Variants in GPC5 observed in about 807,000 individuals in gnomAD.
GPC5 encodes glypican-5.
A neutral mutation model predicts 53.9 loss-of-function variants in GPC5; 47 were observed. That is an observed-to-expected ratio of 0.87 (90% CI 0.69 to 1.11). The LOEUF is 1.11. GPC5 is among the 50% of genes most tolerant of loss of function. The probability of loss-of-function intolerance (pLI) is 0.00; values close to 1 mark genes in which losing one functional copy is unlikely to be tolerated. For missense variants in GPC5, 748 were observed against 713.1 expected (o/e 1.05, Z -0.56); for synonymous variants, 286 against 263.3 (o/e 1.09, Z -0.84).
At chr13:92,384,556 A>C (rs2043776632) in intron 7 of GPC5, among the ~76,000 whole-genome samples, 1 of 152,150 alleles carries the variant, frequency 6.6e-6, no homozygotes, top group African/African-American at 2.4e-5. Context: ...CAGTGGTACA[A>C]AGGCAATGTG....
chr13:91,766,490 A>G (rs1020816400), intron 5 of GPC5, among the ~76,000 whole-genome samples: 9 of 152,236 alleles, frequency 5.9e-5, no homozygotes, highest in Non-Finnish European at 2.9e-5. Flanking sequence ...AAGGTTGTCA[A>G]TAAAGATTAA....
At chr13:92,283,497 G>C (rs550889347) in intron 7 of GPC5, among the ~76,000 whole-genome samples, 2 of 152,150 alleles carry the variant, frequency 1.3e-5, no homozygotes, top group Non-Finnish European at 2.9e-5. Flanking sequence ...TGGAAGTAAA[G>C]CACTCCTCAG....
chr13:91,690,758 A>G (rs2035740389), intron 2 of GPC5, among the ~76,000 whole-genome samples: 1 of 152,208 alleles, frequency 6.6e-6, no homozygotes, highest in East Asian at 1.9e-4. Flanking sequence ...GAACATCAGT[A>G]TTGCCTGATT....
At chr13:91,499,567 C>T (rs565202884) in intron 2 of GPC5, among the ~76,000 whole-genome samples, 2 of 152,256 alleles carry the variant, frequency 1.3e-5, no homozygotes, top group Non-Finnish European at 1.5e-5. Context: ...TTTTTGCATA[C>T]GGTTCACAAT....
At chr13:91,620,867 A>G (rs2033835493) in intron 2 of GPC5, among the ~76,000 whole-genome samples, 1 of 152,126 alleles carries the variant, frequency 6.6e-6, no homozygotes, top group South Asian at 2.1e-4. Flanking sequence ...CTTTTGCTAT[A>G]TTAGATCCTA....
intron 3 of GPC5, among the ~76,000 whole-genome samples, chr13:91,716,381 G>A (rs74426200): frequency 0.014 from 2,173 of 152,240 alleles, 56 homozygotes; most frequent in African/African-American, 0.049. Context: ...TCACAGTAAC[G>A]TGAGAGACTA....
At chr13:91,959,947 T>C (rs779121060) in intron 6 of GPC5, among the ~76,000 whole-genome samples, 2 of 151,986 alleles carry the variant, frequency 1.3e-5, no homozygotes, top group African/African-American at 4.8e-5. Context: ...AGGAATATAC[T>C]TCAACATTAT....
rs1251969435 is a variant in GPC5 at position 92,527,241 on chromosome 13, GAA to G, written c.1562-339039_1562-339038del. Among the ~76,000 whole-genome samples the G allele has an allele frequency of 7.5e-3, 274 of 36,438 alleles. 8 individuals are homozygous for G. Among genetic ancestry groups the G allele is most frequent in the African/African-American group, 0.017 (128 of 7,434 alleles). 23.9% of individuals were successfully genotyped at this position (36,438 alleles called of 152,430 possible). A position where few individuals can be genotyped will look rare whatever the true frequency, so the allele number is the denominator to read the frequency against. On this transcript the variant is annotated intron_variant, in intron 7 of 7. Transcript: ENST00000377067. ...AGAAAGAAAGAAAGAAAGAAAGAAA[GAA>G]AGAAAGAGAAAGAAAGAAAGAAAGA...
intron 1 of GPC5, among the ~76,000 whole-genome samples, chr13:91,410,952 T>C (rs1022247648): frequency 6.6e-6 from 1 of 151,778 alleles, no homozygotes; most frequent in Non-Finnish European, 1.5e-5. Flanking sequence ...CTACCAAAAA[T>C]ACAAAAATTA....
rs578106707 is a variant in GPC5, at chr13:91,963,869, C to T, written c.1401+55812C>T. On this transcript the variant is annotated intron_variant, in intron 6 of 7. Transcript: ENST00000377067. ...AGCATCAATCATAGAACACTTTCTTCGTACAAGATGTGATGATAAACAAGT... is the reference window on the plus strand; with the variant it reads ...AGCATCAATCATAGAACACTTTCTTTGTACAAGATGTGATGATAAACAAGT... Among the ~76,000 whole-genome samples the T allele has an allele frequency of 1.2e-4, 19 of 152,248 alleles. No individual in the cohort carries two copies. The East Asian group carries it at 3.1e-3, about 25-fold the overall frequency.
intron 7 of GPC5, among the ~76,000 whole-genome samples, chr13:92,351,730 TTTAA>T (rs1434737810): frequency 1.3e-5 from 2 of 152,110 alleles, no homozygotes; most frequent in Admixed American, 6.5e-5. Flanking sequence ...AACTAGAAAG[TTTAA>T]TTAAAGATAA....
At chr13:92,310,496 C>G (rs1158225789) in intron 7 of GPC5, among the ~76,000 whole-genome samples, 1 of 152,100 alleles carries the variant, frequency 6.6e-6, no homozygotes, top group Admixed American at 6.6e-5. Context: ...TTCTGGAAAA[C>G]AGAAATGTGG....
At chr13:92,603,293 AT>A (rs534498736) in intron 7 of GPC5, among the ~76,000 whole-genome samples, 76 of 149,870 alleles carry the variant, frequency 5.1e-4, no homozygotes, top group Middle Eastern at 3.4e-3. Flanking sequence ...GAACAACAGC[AT>A]TTTTTTTTTC....
At chr13:92,582,797 A>G (rs1883412119) in intron 7 of GPC5, among the ~76,000 whole-genome samples, 1 of 151,686 alleles carries the variant, frequency 6.6e-6, no homozygotes, top group Admixed American at 6.6e-5. Context: ...CAGATAGTTC[A>G]TTGTTACTGT....
intron 2 of GPC5, among the ~76,000 whole-genome samples, chr13:91,687,320 A>T (rs2035644659): frequency 6.6e-6 from 1 of 151,954 alleles, no homozygotes; most frequent in Non-Finnish European, 1.5e-5. Context: ...GTTTTATTTA[A>T]AGTTAAATCC....
chr13:92,442,930 A>G (rs556421818), intron 7 of GPC5, among the ~76,000 whole-genome samples: 12 of 152,176 alleles, frequency 7.9e-5, no homozygotes, highest in Non-Finnish European at 1.8e-4. Context: ...CCTTGTTAGA[A>G]ATAAAGTAAA....
intron 7 of GPC5, among the ~76,000 whole-genome samples, chr13:92,271,976 G>A (rs1442719925): frequency 1.3e-5 from 2 of 152,162 alleles, no homozygotes; most frequent in African/African-American, 2.4e-5. Flanking sequence ...AGGATGACGG[G>A]AGTCAATCAT....
At chr13:91,431,643 C>T (rs1391005149) in intron 1 of GPC5, among the ~76,000 whole-genome samples, 1 of 152,184 alleles carries the variant, frequency 6.6e-6, no homozygotes, top group African/African-American at 2.4e-5. Flanking sequence ...TTGGTTCTGT[C>T]TGAGTCATAT....
intron 7 of GPC5, among the ~76,000 whole-genome samples, chr13:92,815,686 C>T (rs561563340): frequency 5.3e-5 from 8 of 151,742 alleles, no homozygotes; most frequent in Admixed American, 2.6e-4. Flanking sequence ...ATGGTGGTGG[C>T]CAGGACTCCT....
Sources: allele counts gnomAD v4.1 joint callset (sites outside exome capture counted in the v4.1 genomes callset), GRCh38; gene constraint gnomAD v4.1.1; transcripts MANE v1.5; gene names NCBI Gene and HGNC (gene_info 2026-07-23, HGNC 2026-07-21).